The following DNAJB11 variants were observed in gnomAD, a reference collection of about 807,000 sequenced individuals.
The protein encoded by DNAJB11 is dnaJ homolog subfamily B member 11.
In DNAJB11, 30 loss-of-function variants were observed where a neutral mutation model predicts 47.2. The ratio of observed to expected loss-of-function variants is 0.64; its 90% CI spans 0.48 to 0.86. The LOEUF (loss-of-function observed/expected upper bound fraction) is 0.86, where lower values mean the gene tolerates loss of function less well. Ranked by LOEUF, DNAJB11 falls within the 40% of genes least tolerant of loss-of-function variation. The pLI, the probability that DNAJB11 is intolerant of heterozygous loss-of-function variation, is 0.00. For missense variants in DNAJB11, 357 were observed against 440.2 expected (o/e 0.81, Z 1.69); for synonymous variants, 151 against 159.9 (o/e 0.94, Z 0.42).
intron 9 of DNAJB11, among the ~76,000 whole-genome samples, chr3:186,584,885 A>G (rs1715629092): frequency 6.6e-6 from 1 of 152,192 alleles, no homozygotes; most frequent in Admixed American, 6.5e-5. Flanking sequence ...CCACACTGTA[A>G]AAGGGAAGAT....
intron 2 of DNAJB11, among the ~76,000 whole-genome samples, chr3:186,573,522 A>G (rs1011776549): frequency 5.9e-5 from 9 of 151,922 alleles, no homozygotes; most frequent in African/African-American, 2.2e-4. Context: ...AGTAGCTGGG[A>G]CTACAGCTGT....
At chr3:186,571,089 C>A in intron 1 of DNAJB11, 124 bp downstream of exon 1, 1 of 858,606 alleles carries the variant, frequency 1.2e-6, no homozygotes, top group Non-Finnish European at 1.7e-6. Flanking sequence ...TGTGGGTTGG[C>A]GGGGTGGCGG....
At chr3:186,575,745 C>A in intron 2 of DNAJB11, 95 bp from the exon 3 acceptor site, 2 of 898,584 alleles carry the variant, frequency 2.2e-6, no homozygotes, top group Non-Finnish European at 1.8e-6. Context: ...AAATTTTAGA[C>A]CCACTGTCAA....
intron 2 of DNAJB11, among the ~76,000 whole-genome samples, chr3:186,573,637 G>A (rs970831995): frequency 2.6e-5 from 4 of 152,006 alleles, no homozygotes; most frequent in Non-Finnish European, 5.9e-5. Context: ...CACCCGCCTC[G>A]GCTTCCCAAA....
At chr3:186,574,216 A>AAGACC (rs916856814) in intron 2 of DNAJB11, among the ~76,000 whole-genome samples, 62 of 152,378 alleles carry the variant, frequency 4.1e-4, no homozygotes, top group African/African-American at 1.4e-3. Flanking sequence ...AATAGTTTCC[A>AAGACC]AGACCATAGA....
intron 2 of DNAJB11, among the ~76,000 whole-genome samples, chr3:186,574,959 A>T (rs1189451849): frequency 7.0e-6 from 1 of 143,210 alleles, no homozygotes; most frequent in Non-Finnish European, 1.5e-5. Context: ...AGATTGCTCT[A>T]AATAAAAGAG....
intron 6 of DNAJB11, 44 bp downstream of exon 6, chr3:186,582,121 C>T: frequency 1.4e-6 from 2 of 1,455,234 alleles, no homozygotes; most frequent in Non-Finnish European, 1.9e-6. Flanking sequence ...TAACTTTTTG[C>T]TCTCTGCTTG....
Position 186,579,206 on chromosome 3 carries a change from C to T in DNAJB11, c.456+1406C>T, listed in dbSNP as rs563819716. The stretch of plus-strand genomic sequence containing the variant: ...CTTTTTTAAATTCTGGAAAATATGT[C>T]TCATTATTTTTTACAATTCTATCAC... On this transcript the variant is annotated intron_variant, in intron 4 of 9. Coordinates refer to ENST00000265028, the MANE Select transcript of DNAJB11 (RefSeq NM_016306.6). 19 of 152,236 alleles carry T rather than the reference C, an allele frequency of 1.2e-4. No individual in the cohort carries two copies. The East Asian group carries it at 1.3e-3, about 11-fold the overall frequency. The allele number at this position is 152,236 out of a possible 1,614,324, so 9.4% of individuals were successfully genotyped here.
Position 186,570,919 on chromosome 3 carries a change from A to T in DNAJB11, c.22A>T (p.Thr8Ser). Residue 8 changes from threonine to serine, a missense_variant, in exon 1 of 10, where the codon ACC becomes TCC. Transcript: ENST00000265028. ...AACCATGGCTCCGCAGAACCTGAGC[A>T]CCTTTTGCCTGTTGCTGCTATACCT... MAPQNLS[T>S]FCLLLLYLIG... The T allele has an allele frequency of 6.2e-7, 1 of 1,601,756 alleles. No homozygotes were observed. Among genetic ancestry groups the T allele is most frequent in the Non-Finnish European group, 8.5e-7 (1 of 1,174,874 alleles).
chr3:186,571,533 A>G (rs6776042), intron 1 of DNAJB11, among the ~76,000 whole-genome samples: 126,655 of 152,186 alleles, frequency 0.83, 52,815 homozygotes, highest in Middle Eastern at 0.92. Flanking sequence ...CGGGATGGGA[A>G]CAAGAAGATC....
At chr3:186,581,967 TCTC>T (rs1461573381) in intron 5 of DNAJB11, 25 bp from the exon 6 acceptor site, 1 of 1,552,858 alleles carries the variant, frequency 6.4e-7, no homozygotes, top group Non-Finnish European at 8.8e-7. Flanking sequence ...TCATTATTTT[TCTC>T]CTCTTTTAAT....
intron 3 of DNAJB11, among the ~76,000 whole-genome samples, chr3:186,576,981 T>A (rs2108479057): frequency 6.6e-6 from 1 of 152,352 alleles, no homozygotes; most frequent in Admixed American, 6.5e-5. Flanking sequence ...AAAATTAACA[T>A]TAGATTAAAC....
At position 186,584,635 on chromosome 3, in the gene DNAJB11, A is replaced by G. The variant is rs112885079; in HGVS notation, c.1012+46A>G. On this transcript the variant is annotated intron_variant, in intron 9 of 9. Coordinates refer to ENST00000265028, the MANE Select transcript of DNAJB11 (RefSeq NM_016306.6). ...TGTGTGTGTGTGTTTGTGTGTGTGT[A>G]TGTGTGTGTGTGTGAGATGAGAAAA... The G allele has an allele frequency of 0.22, 55,719 of 258,616 alleles. 1,033 individuals are homozygous for G. Among genetic ancestry groups the G allele is most frequent in the South Asian group, 0.28 (3,479 of 12,616 alleles). 16.0% of individuals were successfully genotyped at this position (258,616 alleles called of 1,614,324 possible).
chr3:186,578,898 T>A (rs944742059), intron 4 of DNAJB11: 1 of 152,242 alleles, frequency 6.6e-6, no homozygotes, highest in Non-Finnish European at 1.5e-5. Context: ...TTTGTGTCTT[T>A]TTAAAGAAAT....
chr3:186,584,641 GT>G (rs771266109), intron 9 of DNAJB11, 52 bp downstream of exon 9: 37 of 1,377,296 alleles, frequency 2.7e-5, no homozygotes, highest in Middle Eastern at 4.2e-4. Context: ...GTGTATGTGT[GT>G]GTGTGTGAGA....
intron 4 of DNAJB11, 65 bp downstream of exon 4, chr3:186,577,865 G>A: frequency 1.4e-6 from 2 of 1,413,932 alleles, no homozygotes; most frequent in Non-Finnish European, 1.9e-6. Context: ...CTAAAAATAA[G>A]AGGTTTATAT....
At chr3:186,574,022 G>A (rs928481974) in intron 2 of DNAJB11, among the ~76,000 whole-genome samples, 2 of 152,100 alleles carry the variant, frequency 1.3e-5, no homozygotes, top group African/African-American at 4.8e-5. Flanking sequence ...TATCATTCAA[G>A]CTTGATTGCC....
chr3:186,581,907 CT>C, intron 5 of DNAJB11, 87 bp from the exon 6 acceptor site: 1 of 1,109,412 alleles, frequency 9.0e-7, no homozygotes, highest in African/African-American at 1.6e-5. Context: ...AGAAAAAGCT[CT>C]GATAAAATAG....
intron 1 of DNAJB11, among the ~76,000 whole-genome samples, chr3:186,571,824 G>A (rs1019468631): frequency 1.3e-5 from 2 of 152,190 alleles, no homozygotes; most frequent in Non-Finnish European, 2.9e-5. Flanking sequence ...GACCGAAGGT[G>A]GTTCTGAAAG....
Sources: gnomAD v4.1 joint callset for allele counts (sites outside exome capture counted in the v4.1 genomes callset) on GRCh38, gnomAD v4.1.1 for gene constraint, MANE v1.5 for transcripts, NCBI Gene and HGNC (gene_info 2026-07-23, HGNC 2026-07-21) for gene names.